Variants in NCOA1 observed in about 807,000 individuals in gnomAD.
The protein encoded by NCOA1 is Hin-2 protein.
In NCOA1, 35 loss-of-function variants were observed where a neutral mutation model predicts 150.9. The ratio of observed to expected loss-of-function variants is 0.23; its 90% CI spans 0.18 to 0.31. The LOEUF (loss-of-function observed/expected upper bound fraction) is 0.31. Ranked by LOEUF, NCOA1 falls within the 10% of genes least tolerant of loss-of-function variation. The probability of loss-of-function intolerance (pLI) is 1.00; values close to 1 mark genes in which losing one functional copy is unlikely to be tolerated. For missense variants in NCOA1, 1,491 were observed against 1,749.3 expected, an observed-to-expected ratio of 0.85 and a Z score of 2.63; for synonymous variants, 590 against 630.0, an observed-to-expected ratio of 0.94 and a Z score of 0.95.
chr2:24,718,765 A>G, intron 14 of NCOA1, among the ~76,000 whole-genome samples: 1 of 150,492 alleles, frequency 6.6e-6, no homozygotes, highest in African/African-American at 2.4e-5. Flanking sequence ...GCTACTCAGG[A>G]GGCTGAGGCA....
At chr2:24,768,160 C>T in intron 22 of NCOA1, 61 bp from the exon 23 acceptor site, 1 of 1,613,482 alleles carries the variant, frequency 6.2e-7, no homozygotes, top group Non-Finnish European at 8.5e-7. Context: ...CAAGTAGTAC[C>T]CACTCATAAG....
At chr2:24,629,608 G>C (rs539371507) in intron 3 of NCOA1, among the ~76,000 whole-genome samples, 8 of 149,578 alleles carry the variant, frequency 5.3e-5, no homozygotes, top group African/African-American at 1.7e-4. Flanking sequence ...TACTGAAACA[G>C]GAGGATATAA....
chr2:24,518,688 C>A (rs1183200628), intron 1 of NCOA1, among the ~76,000 whole-genome samples: 1 of 152,014 alleles, frequency 6.6e-6, no homozygotes, highest in Non-Finnish European at 1.5e-5. Flanking sequence ...TGGCAATGAA[C>A]ATTTGGAACT....
At chr2:24,603,422 C>T (rs561825358) in intron 3 of NCOA1, among the ~76,000 whole-genome samples, 8 of 152,276 alleles carry the variant, frequency 5.3e-5, no homozygotes, top group East Asian at 3.9e-4. Context: ...TTCTCTGTAA[C>T]GTGATGCTAT....
chr2:24,541,634 A>C (rs1665401768), intron 1 of NCOA1, among the ~76,000 whole-genome samples: 1 of 152,136 alleles, frequency 6.6e-6, no homozygotes, highest in Non-Finnish European at 1.5e-5. Flanking sequence ...ATAAAGGGGA[A>C]ATTATCTGAA....
At chr2:24,523,630 A>AG (rs1664524625) in intron 1 of NCOA1, among the ~76,000 whole-genome samples, 6 of 132,224 alleles carry the variant, frequency 4.5e-5, no homozygotes, top group African/African-American at 1.4e-4. Context: ...AAAAAAAAAA[A>AG]GAAACTGGGC....
In NCOA1 at chr2:24,758,107, A is replaced by G. The variant is rs1420444257; in HGVS notation, c.4016A>G (p.Gln1339Arg). The change falls in exon 21 of 23, where the codon CAG (glutamine) becomes CGG (arginine). Residue 1339 changes from glutamine (Q) to arginine (R), a missense_variant. By Grantham distance (43) the Gln-to-Arg change is conservative. Coordinates refer to ENST00000348332, the MANE Select transcript of NCOA1 (RefSeq NM_003743.5). Reference sequence around the variant, plus strand: ...ATGAACCCAATGATGGCCCAGATGCAGATGAGCTCTTTGCAGATGCCAGGA... The same window carrying G: ...ATGAACCCAATGATGGCCCAGATGCGGATGAGCTCTTTGCAGATGCCAGGA... ...QNMNPMMAQMQMSSLQMPGMN... is the reference protein window; with the variant it reads ...QNMNPMMAQMRMSSLQMPGMN... 2 of 1,614,180 alleles carry G rather than the reference A, an allele frequency of 1.2e-6. No homozygotes were observed. Among genetic ancestry groups the G allele is most frequent in the South Asian group, 1.1e-5 (1 of 91,088 alleles).
At chr2:24,700,968 G>T (rs138434468) in intron 11 of NCOA1, among the ~76,000 whole-genome samples, 1 of 152,020 alleles carries the variant, frequency 6.6e-6, no homozygotes, top group South Asian at 2.1e-4. Flanking sequence ...ATATATTTAA[G>T]GTATTTAAGT....
chr2:24,690,346 G>A (rs1224008939), intron 8 of NCOA1, among the ~76,000 whole-genome samples: 2 of 151,908 alleles, frequency 1.3e-5, no homozygotes, highest in African/African-American at 2.4e-5. Context: ...GTAGGAAAAC[G>A]TTTGGGAACA....
At chr2:24,492,777 A>G (rs1261978071) in intron 1 of NCOA1, among the ~76,000 whole-genome samples, 1 of 152,176 alleles carries the variant, frequency 6.6e-6, no homozygotes, top group Non-Finnish European at 1.5e-5. Flanking sequence ...GTGGATGCCA[A>G]GAGGAATCTC....
chr2:24,621,287 C>A (rs1339254748), intron 3 of NCOA1, among the ~76,000 whole-genome samples: 1 of 151,784 alleles, frequency 6.6e-6, no homozygotes, highest in Non-Finnish European at 1.5e-5. Context: ...TTCCTTTGTC[C>A]CCTTATTATA....
At chr2:24,494,629 T>A (rs1663122155) in intron 1 of NCOA1, among the ~76,000 whole-genome samples, 1 of 152,210 alleles carries the variant, frequency 6.6e-6, no homozygotes, top group African/African-American at 2.4e-5. Context: ...TCAGCTGCTT[T>A]CCTGGCAGAG....
intron 20 of NCOA1, among the ~76,000 whole-genome samples, chr2:24,755,583 G>A (rs569912716): frequency 6.6e-6 from 1 of 152,354 alleles, no homozygotes; most frequent in East Asian, 1.9e-4. Flanking sequence ...CAGGAAAGCA[G>A]AGTGAGGAAG....
intron 1 of NCOA1, among the ~76,000 whole-genome samples, chr2:24,555,839 A>G (rs1004456280): frequency 3.9e-5 from 6 of 152,152 alleles, no homozygotes; most frequent in Non-Finnish European, 8.8e-5. Flanking sequence ...TACCTTGTAG[A>G]TAGGATGTAG....
intron 11 of NCOA1, among the ~76,000 whole-genome samples, chr2:24,702,934 T>C (rs1673232538): frequency 6.6e-6 from 1 of 152,228 alleles, no homozygotes; most frequent in South Asian, 2.1e-4. Flanking sequence ...AAAGTATTAG[T>C]GATTGTTATT....
chr2:24,719,949 G>C (rs559736871), intron 14 of NCOA1, among the ~76,000 whole-genome samples: 2 of 152,092 alleles, frequency 1.3e-5, no homozygotes, highest in African/African-American at 2.4e-5. Context: ...GAGGAGGTTC[G>C]AACAAAGTGC....
intron 20 of NCOA1, among the ~76,000 whole-genome samples, chr2:24,757,344 A>G (rs988425612): frequency 6.6e-6 from 1 of 152,194 alleles, no homozygotes; most frequent in African/African-American, 2.4e-5. Flanking sequence ...CATTTAATAG[A>G]AAACAATCTG....
intron 3 of NCOA1, among the ~76,000 whole-genome samples, chr2:24,638,228 A>G (rs1264174793): frequency 7.0e-6 from 1 of 143,386 alleles, no homozygotes; most frequent in African/African-American, 2.6e-5. Flanking sequence ...AGGAGTGAGA[A>G]CATGTGATGT....
At chr2:24,762,599 C>A in intron 21 of NCOA1, 88 bp from the exon 22 acceptor site, 1 of 1,142,798 alleles carries the variant, frequency 8.8e-7, no homozygotes. Context: ...TATTACTTTT[C>A]TGTCAGTGAG....
Sources: allele counts gnomAD v4.1 joint callset (sites outside exome capture counted in the v4.1 genomes callset), GRCh38; gene constraint gnomAD v4.1.1; transcripts MANE v1.5; gene names NCBI Gene and HGNC (gene_info 2026-07-23, HGNC 2026-07-21).